The following PPFIA4 variants were observed in gnomAD, a reference collection of about 807,000 sequenced individuals.
The protein encoded by PPFIA4 is PPFI scaffold protein A4.
A neutral mutation model predicts 145.7 loss-of-function variants in PPFIA4; 98 were observed. The observed-to-expected ratio is 0.67, with a 90% CI of 0.57 to 0.80. The LOEUF is 0.80. PPFIA4 is among the 30% of genes least tolerant of loss of function. The probability of loss-of-function intolerance (pLI) is 0.00; values close to 1 mark genes in which losing one functional copy is unlikely to be tolerated. For synonymous variants in PPFIA4, 628 were observed against 649.6 expected (o/e 0.97, Z 0.51); for missense variants, 1,457 against 1,632.7 (o/e 0.89, Z 1.85).
intron 27 of PPFIA4, among the ~76,000 whole-genome samples, chr1:203,070,930 A>G (rs997785143): frequency 3.3e-5 from 5 of 149,654 alleles, no homozygotes; most frequent in East Asian, 1.9e-4. Flanking sequence ...CTCTTTATCT[A>G]TGTGTTCTAT....
intron 1 of PPFIA4, among the ~76,000 whole-genome samples, chr1:203,030,306 C>T (rs1274239291): frequency 6.6e-6 from 1 of 152,010 alleles, no homozygotes; most frequent in Non-Finnish European, 1.5e-5. Context: ...GGGAGAGGGC[C>T]TCAGCAGCTG....
At chr1:203,067,572 T>G in intron 25 of PPFIA4, 123 bp from the exon 26 acceptor site, 1 of 774,944 alleles carries the variant, frequency 1.3e-6, no homozygotes, top group South Asian at 1.6e-5. Flanking sequence ...ATGAGGAGGC[T>G]GGGGTGCTCT....
At chr1:203,028,462 G>A (rs897705175) in intron 1 of PPFIA4, among the ~76,000 whole-genome samples, 6 of 152,170 alleles carry the variant, frequency 3.9e-5, no homozygotes, top group African/African-American at 1.2e-4. Flanking sequence ...GTGGTGATGA[G>A]GTGGGGATGA....
chr1:203,035,668 A>T (rs1316135238), intron 1 of PPFIA4: 1 of 456,596 alleles, frequency 2.2e-6, no homozygotes, highest in Non-Finnish European at 4.4e-6. Flanking sequence ...ATTGTGCGGG[A>T]GTTGAGGAGG....
At position 203,068,380 on chromosome 1, in the gene PPFIA4, T is replaced by A; in HGVS notation, c.3149-73T>A. 1 of 1,380,472 alleles carries A rather than the reference T, an allele frequency of 7.2e-7. No individual in the cohort carries two copies. The allele number at this position is 1,380,472 out of a possible 1,614,324, so 85.5% of individuals were successfully genotyped here. A position where few individuals can be genotyped will look rare whatever the true frequency, so the allele number is the denominator to read the frequency against. Reference sequence around the variant, plus strand: ...CTGCGGCTCTGGGTTTAGGGAGCTCTGCTTCTGTCCTTGGAGGGCCCTTGA... The same window carrying A: ...CTGCGGCTCTGGGTTTAGGGAGCTCAGCTTCTGTCCTTGGAGGGCCCTTGA... On this transcript the variant is annotated intron_variant, in intron 26 of 29. Transcript: ENST00000295706. This position sits in a 1 kb window ranked among gnomAD's most constrained non-coding sequence, Gnocchi z 4.7.
Position 203,055,459 on chromosome 1 carries a change from G to T in PPFIA4, c.1857G>T (p.Thr619=). The T allele has an allele frequency of 6.2e-7, 1 of 1,613,996 alleles. No homozygotes were observed. The highest frequency in any genetic ancestry group is 8.5e-7 in the Non-Finnish European group (1 of 1,179,892). Residue 619 remains threonine (T), a synonymous_variant, in exon 16 of 30, where the codon ACG becomes ACT. Coordinates refer to ENST00000295706, the MANE Select transcript of PPFIA4 (RefSeq NM_001304331.2). This position sits in a 1 kb window ranked among gnomAD's most constrained non-coding sequence, Gnocchi z 4.8. The part of the protein sequence containing the change: ...IRMIQEEKES[T]ELRAEEIETR... The stretch of plus-strand genomic sequence containing the variant: ...TGATTCAGGAAGAGAAGGAGTCCAC[G>T]GAGCTCCGCGCGGAGGAGATTGAGA...
chr1:203,032,486 A>G (rs573497606), intron 1 of PPFIA4, among the ~76,000 whole-genome samples: 1 of 147,278 alleles, frequency 6.8e-6, no homozygotes, highest in African/African-American at 2.5e-5. Flanking sequence ...AGGCTGGAGT[A>G]AGTAGTGTGA....
In PPFIA4 at chr1:203,042,629, CT is replaced by C. The variant is rs201639931; in HGVS notation, c.235-764del. Among the ~76,000 whole-genome samples, 1,439 of 152,236 alleles carry C rather than the reference CT, an allele frequency of 9.5e-3. 27 individuals carry two copies. Among genetic ancestry groups the C allele is most frequent in the African/African-American group, 0.034 (1,396 of 41,536 alleles). ...CAAAAGCTCTTTCTCTTCCCTGTTTCTTTTATTTATTTATTTTTATTTTTCG... is the reference window on the plus strand; with the variant it reads ...CAAAAGCTCTTTCTCTTCCCTGTTTCTTTATTTATTTATTTTTATTTTTCG... On this transcript the variant is annotated intron_variant, in intron 2 of 29. Transcript: ENST00000295706.
At position 203,056,946 on chromosome 1, in the gene PPFIA4, C is replaced by T; in HGVS notation, c.2403C>T (p.Gly801=). The T allele has an allele frequency of 6.2e-7, 1 of 1,614,020 alleles. No individual in the cohort carries two copies. ...AGCTGAGTCGGGATGGAGCCACAGG[C>T]CATGGTCTCTGTCCCCTTCCTAACG... ...LIQLSRDGAT[G]HVLLTDSEFS... The change falls in exon 19 of 30, where the codon GGC becomes GGT. Residue 801 remains glycine, a synonymous_variant. Coordinates refer to ENST00000295706, the MANE Select transcript of PPFIA4 (RefSeq NM_001304331.2).
chr1:203,064,334 T>C (rs1323662970), intron 25 of PPFIA4, among the ~76,000 whole-genome samples: 1 of 152,256 alleles, frequency 6.6e-6, no homozygotes, highest in Non-Finnish European at 1.5e-5. Context: ...TTGGGCTTGC[T>C]GAATTTGCTG....
Position 203,055,628 on chromosome 1 carries a change from C to T in PPFIA4, c.2026C>T (p.Arg676Cys), listed in dbSNP as rs182905918. 515 of 1,614,030 alleles carry T rather than the reference C, an allele frequency of 3.2e-4. 1 individual carries two copies. Among genetic ancestry groups the T allele is most frequent in the Admixed American group, 1.3e-3 (76 of 60,032 alleles). Residue 676 changes from arginine (R) to cysteine (C), a missense_variant, in exon 16 of 30, where the codon CGC (arginine) becomes TGC (cysteine). Physicochemically the swap from Arg to Cys is radical, Grantham distance 180 (BLOSUM62 -3). Around this residue, in one of 3 missense-constraint regions of PPFIA4, gnomAD observed 848 missense variants for 1,046.7 expected, o/e 0.81. Coordinates refer to ENST00000295706, the MANE Select transcript of PPFIA4 (RefSeq NM_001304331.2). The surrounding 1 kb of genome is among the most constrained non-coding windows in gnomAD (Gnocchi z 4.8). ...CCGCTCCACACCTAAGCTCACCTCC[C>T]GCAGTGCTGCCCAGGACCTGGACCG... ...SGRSTPKLTS[R>C]SAAQDLDRMG...
intron 9 of PPFIA4, among the ~76,000 whole-genome samples, chr1:203,047,877 T>C (rs1660194074): frequency 6.6e-6 from 1 of 152,204 alleles, no homozygotes; most frequent in African/African-American, 2.4e-5. Context: ...TTCAGTGTGG[T>C]TCTATCCATC....
chr1:203,053,892 G>A lies in PPFIA4; in HGVS notation c.1760G>A (p.Gly587Asp). Residue 587 changes from glycine to aspartate, a missense_variant, in exon 15 of 30, where the codon GGC becomes GAC. This residue lies in a region of PPFIA4 where 848 missense variants were observed against 1,046.7 expected (regional missense o/e 0.81). Transcript: ENST00000295706. ...VGSADVVSPS[G>D]HSDAQTLAMM... ...TCTGCGGATGTTGTCTCCCCCAGCG[G>A]CCACTCAGATGCCCAGACCCTGGCC... 1.3e-6 allele frequency: 2 copies of A among 1,564,718 alleles called. No homozygotes were observed. The highest frequency in any genetic ancestry group is 1.2e-5 in the South Asian group (1 of 84,836).
intron 19 of PPFIA4, among the ~76,000 whole-genome samples, chr1:203,058,886 G>A (rs1661162185): frequency 6.6e-6 from 1 of 152,136 alleles, no homozygotes; most frequent in Non-Finnish European, 1.5e-5. Flanking sequence ...GGAAGGACAG[G>A]TTCTGTCTAG....
At chr1:203,066,718 G>A (rs1230841496) in intron 25 of PPFIA4, among the ~76,000 whole-genome samples, 1 of 152,188 alleles carries the variant, frequency 6.6e-6, no homozygotes, top group Non-Finnish European at 1.5e-5. Context: ...CTTAGTTACT[G>A]AATGCTTGCT....
In PPFIA4 at chr1:203,068,481, G is replaced by T. The variant is rs558900634; in HGVS notation, c.3177G>T (p.Val1059=). The part of the protein sequence containing the change: ...KDVLVWTNDQ[V]VHWVQSIGLR... Reference sequence around the variant, plus strand: ...TGTTAGTCTGGACCAACGACCAGGTGGTTCATTGGGTCCAGTCTATTGGGC... The same window carrying T: ...TGTTAGTCTGGACCAACGACCAGGTTGTTCATTGGGTCCAGTCTATTGGGC... Residue 1059 remains valine (V), a synonymous_variant, in exon 27 of 30, where the codon GTG becomes GTT. Transcript: ENST00000295706. This position sits in a 1 kb window ranked among gnomAD's most constrained non-coding sequence, Gnocchi z 4.7. The T allele has an allele frequency of 2.7e-5, 43 of 1,607,888 alleles. 1 individual carries two copies. In the South Asian group the frequency reaches 4.8e-4, roughly 18 times the overall value.
At chr1:203,052,183 G>A (rs557323647) in intron 14 of PPFIA4, among the ~76,000 whole-genome samples, 2 of 151,584 alleles carry the variant, frequency 1.3e-5, no homozygotes, top group African/African-American at 4.9e-5. Context: ...GGTCGGGCGT[G>A]GGGGGTGGGG....
chr1:203,049,555 A>G (rs902659625), intron 12 of PPFIA4, 121 bp from the exon 13 acceptor site: 1 of 858,868 alleles, frequency 1.2e-6, no homozygotes, highest in Non-Finnish European at 1.7e-6. Context: ...TGGACTTTGC[A>G]GTACATTCTT....
At chr1:203,053,725 G>A (rs1028012614) in intron 14 of PPFIA4, 28 bp from the exon 15 acceptor site, 8 of 1,542,922 alleles carry the variant, frequency 5.2e-6, no homozygotes, top group African/African-American at 4.1e-5. Context: ...GTCTTATTAC[G>A]ACTCCTTTAC....
Sources: allele counts gnomAD v4.1 joint callset (sites outside exome capture counted in the v4.1 genomes callset), GRCh38; gene constraint gnomAD v4.1.1; regional missense constraint gnomAD v4.1.1; non-coding constraint Gnocchi (gnomAD v3.1); transcripts MANE v1.5; gene names NCBI Gene and HGNC (gene_info 2026-07-23, HGNC 2026-07-21).